CYB561: variants seen among roughly 807,000 people sequenced by gnomAD.
The protein encoded by CYB561 is transmembrane ascorbate-dependent reductase CYB561.
Under a neutral mutation model 25.3 loss-of-function variants are expected in CYB561, and 11 were observed. The ratio of observed to expected loss-of-function variants is 0.44; its 90% CI spans 0.27 to 0.72. The LOEUF is 0.72. Ranked by LOEUF, CYB561 falls within the 30% of genes least tolerant of loss-of-function variation. The pLI, the probability that CYB561 is intolerant of heterozygous loss-of-function variation, is 0.18. For missense variants in CYB561, 295 were observed against 334.9 expected (o/e 0.88, Z 0.93); for synonymous variants, 165 against 158.8 (o/e 1.04, Z -0.29).
In CYB561 at chr17:63,434,469, G is replaced by A. The variant is rs375309411; in HGVS notation, c.689C>T (p.Ala230Val). The change falls in exon 6 of 6, where the codon GCG (alanine) becomes GTG (valine). Residue 230 changes from alanine (A) to valine (V), a missense_variant. Transcript: ENST00000360793. ...TRADWKRPSQ[A>V]EEQALSMDFK... is the part of the protein sequence containing the mutation. ...GTCCATGGAGAGGGCCTGCTCTTCC[G>A]CCTGGGAAGGCCGCTTCCAGTCGGC... is the stretch of plus-strand genomic sequence containing the variant. 2.4e-5 allele frequency: 39 copies of A among 1,608,394 alleles called. No individual in the cohort carries two copies. The highest frequency in any genetic ancestry group is 5.3e-5 in the African/African-American group (4 of 74,798).
chr17:63,439,497 C>T (rs2049353066), intron 1 of CYB561, among the ~76,000 whole-genome samples: 1 of 151,868 alleles, frequency 6.6e-6, no homozygotes, highest in Admixed American at 6.6e-5. Flanking sequence ...CGCACCACTG[C>T]ATTCCAGCCT....
chr17:63,439,685 T>C (rs1646326063), intron 1 of CYB561, among the ~76,000 whole-genome samples: 1 of 152,162 alleles, frequency 6.6e-6, no homozygotes, highest in South Asian at 2.1e-4. Flanking sequence ...CTAAAACACA[T>C]ATGCATCCTT....
At position 63,437,452 on chromosome 17, in the gene CYB561, G is replaced by C; in HGVS notation, c.96C>G (p.Gly32=). 6.2e-7 allele frequency: 1 copy of C among 1,613,926 alleles called. No individual in the cohort carries two copies. Among genetic ancestry groups the C allele is most frequent in the Non-Finnish European group, 8.5e-7 (1 of 1,179,966 alleles). Residue 32 remains glycine, a synonymous_variant, in exon 2 of 6, where the codon GGC becomes GGG. Coordinates refer to ENST00000360793, the MANE Select transcript of CYB561 (RefSeq NM_001915.4). ...CGCCTCGGTACAGCCCGAGCCACGCGCCGGTCATGGCCACCAAGGTCAGGC... is the reference window on the plus strand; with the variant it reads ...CGCCTCGGTACAGCCCGAGCCACGCCCCGGTCATGGCCACCAAGGTCAGGC... ...LLGLTLVAMT[G]AWLGLYRGGI...
At chr17:63,435,475 A>C (rs1329615618) in intron 4 of CYB561, 1 of 684,262 alleles carries the variant, frequency 1.5e-6, no homozygotes, top group African/African-American at 1.8e-5. Context: ...CTTGTGGCCA[A>C]AAGTGCTGAG....
Position 63,436,046 on chromosome 17 carries a change from G to C in CYB561, c.301+8C>G, listed in dbSNP as rs1568022807. On this transcript the variant is annotated splice_region_variant and intron_variant, in intron 3 of 5. Transcript: ENST00000360793. This position sits in a 1 kb window ranked among gnomAD's most constrained non-coding sequence, Gnocchi z 4.8. ...AGGTGGCGGGGAAGGCCGCGCCCGG[G>C]AACTCACCAACCAGGGCGATGACGA... 2.5e-6 allele frequency: 4 copies of C among 1,614,076 alleles called. No individual in the cohort carries two copies. Among genetic ancestry groups the C allele is most frequent in the Non-Finnish European group, 3.4e-6 (4 of 1,179,968 alleles).
rs956341210 is a variant in CYB561 at position 63,432,595 on chromosome 17, A to C, written c.*1807T>G. ...CCACATGTAAACATTTCACTATACA[A>C]GTGTGTGCCAGCTGATTGAAGAACT... On this transcript the variant is annotated 3_prime_UTR_variant, in exon 6 of 6. Transcript: ENST00000360793. The C allele has an allele frequency of 6.6e-6, 1 of 152,290 alleles. No individual in the cohort carries two copies. Among genetic ancestry groups the C allele is most frequent in the Non-Finnish European group, 1.5e-5 (1 of 68,084 alleles). The allele number at this position is 152,290 out of a possible 1,614,324, so 9.4% of individuals were successfully genotyped here.
intron 1 of CYB561, among the ~76,000 whole-genome samples, chr17:63,444,615 C>T (rs1352620111): frequency 6.6e-6 from 1 of 152,152 alleles, no homozygotes; most frequent in African/African-American, 2.4e-5. Flanking sequence ...CATTGCTGTC[C>T]ACCATTAGCC....
chr17:63,436,162 G>A lies in CYB561; in HGVS notation c.203-10C>T, dbSNP rs1279191700. ...CGGTAAACCAGCAGGGCTGTGGGAG[G>A]TGAGAGAGGGAACGTGAGTGCATCC... On this transcript the variant is annotated splice_polypyrimidine_tract_variant and intron_variant, in intron 2 of 5. Coordinates refer to ENST00000360793, the MANE Select transcript of CYB561 (RefSeq NM_001915.4). This position sits in a 1 kb window ranked among gnomAD's most constrained non-coding sequence, Gnocchi z 4.8. 8.7e-6 allele frequency: 14 copies of A among 1,613,260 alleles called. No homozygotes were observed. In the African/African-American group the frequency reaches 9.3e-5, roughly 11 times the overall value.
In CYB561 at chr17:63,435,750, C is replaced by G. The variant is rs761799369; in HGVS notation, c.343G>C (p.Ala115Pro). The G allele has an allele frequency of 3.7e-6, 6 of 1,614,238 alleles. No homozygotes were observed. The highest frequency in any genetic ancestry group is 5.1e-6 in the Non-Finnish European group (6 of 1,180,032). The change falls in exon 4 of 6, where the codon GCT (alanine) becomes CCT (proline). Residue 115 changes from alanine to proline, a missense_variant. Coordinates refer to ENST00000360793, the MANE Select transcript of CYB561 (RefSeq NM_001915.4). ...VFDYHRKKGY[A>P]DLYSLHSWCG... ...CAGCTGTGTAGGCTGTACAGGTCAGCGTAGCCCTTCTTCCTGTGGTAGTCG... is the reference window on the plus strand; with the variant it reads ...CAGCTGTGTAGGCTGTACAGGTCAGGGTAGCCCTTCTTCCTGTGGTAGTCG...
Position 63,433,329 on chromosome 17 carries a change from A to G in CYB561, c.*1073T>C, listed in dbSNP as rs1240031559. 32 of 398,504 alleles carry G rather than the reference A, an allele frequency of 8.0e-5. No homozygotes were observed. In the East Asian group the frequency reaches 1.1e-3, roughly 14 times the overall value. 24.7% of individuals were successfully genotyped at this position (398,504 alleles called of 1,614,324 possible). On this transcript the variant is annotated 3_prime_UTR_variant, in exon 6 of 6. Coordinates refer to ENST00000360793, the MANE Select transcript of CYB561 (RefSeq NM_001915.4). Reference sequence around the variant, plus strand: ...CCAGGCCGAAGCCAAATGGTGACTCAGCTAACATGACACTCTTTATGGGGC... The same window carrying G: ...CCAGGCCGAAGCCAAATGGTGACTCGGCTAACATGACACTCTTTATGGGGC...
chr17:63,438,109 G>C, intron 1 of CYB561: 2 of 1,534,696 alleles, frequency 1.3e-6, no homozygotes, highest in Non-Finnish European at 1.7e-6. Context: ...CTCCCCACGG[G>C]GACAGGCGTG....
intron 1 of CYB561, among the ~76,000 whole-genome samples, chr17:63,444,945 G>A: frequency 6.6e-6 from 1 of 152,190 alleles, no homozygotes; most frequent in South Asian, 2.1e-4. Flanking sequence ...GGATGCCAAG[G>A]CGGGCAGATC....
At chr17:63,437,680 C>G (rs901068430) in intron 1 of CYB561, 120 bp from the exon 2 acceptor site, 1 of 732,386 alleles carries the variant, frequency 1.4e-6, no homozygotes, top group Admixed American at 2.5e-5. Context: ...ACACACCCCT[C>G]AAGATGCGCA....
chr17:63,443,201 G>A (rs1251211358), intron 1 of CYB561, among the ~76,000 whole-genome samples: 1 of 152,166 alleles, frequency 6.6e-6, no homozygotes, highest in East Asian at 1.9e-4. Flanking sequence ...GGAAGAAGGG[G>A]CTTCCCAGGC....
chr17:63,440,928 G>C (rs960609295), intron 1 of CYB561: 1 of 152,238 alleles, frequency 6.6e-6, no homozygotes, highest in African/African-American at 2.4e-5. Context: ...GCTGCAGGCA[G>C]AATCTGATTA....
intron 5 of CYB561, 36 bp from the exon 6 acceptor site, chr17:63,434,630 G>A (rs1258922411): frequency 1.9e-6 from 3 of 1,576,574 alleles, no homozygotes; most frequent in South Asian, 1.1e-5. Flanking sequence ...GCTGCCCAAG[G>A]GGTCACAATT....
At chr17:63,439,148 G>A (rs959250949) in intron 1 of CYB561, 3 of 152,426 alleles carry the variant, frequency 2.0e-5, no homozygotes, top group African/African-American at 4.8e-5. Flanking sequence ...CCAGGAGCTG[G>A]TTTTCAGTCC....
chr17:63,444,311 T>G (rs996977251), intron 1 of CYB561, among the ~76,000 whole-genome samples: 5 of 152,252 alleles, frequency 3.3e-5, no homozygotes, highest in Non-Finnish European at 5.9e-5. Flanking sequence ...AACAGACTCA[T>G]TATTTATAAC....
At position 63,433,709 on chromosome 17, in the gene CYB561, G is replaced by A. The variant is rs796651594; in HGVS notation, c.*693C>T. The A allele has an allele frequency of 1.2e-4, 33 of 284,476 alleles. No individual in the cohort carries two copies. Among genetic ancestry groups the A allele is most frequent in the Middle Eastern group, 9.7e-4 (1 of 1,034 alleles). The allele number at this position is 284,476 out of a possible 1,614,324, so 17.6% of individuals were successfully genotyped here. ...TCTGGAGCAGCCTGGGAGGAGGCCCGCCTGCATCTGCCAAGAGAAAGTCTG... is the reference window on the plus strand; with the variant it reads ...TCTGGAGCAGCCTGGGAGGAGGCCCACCTGCATCTGCCAAGAGAAAGTCTG... On this transcript the variant is annotated 3_prime_UTR_variant, in exon 6 of 6. Transcript: ENST00000360793.
Sources: allele counts gnomAD v4.1 joint callset (sites outside exome capture counted in the v4.1 genomes callset), GRCh38; gene constraint gnomAD v4.1.1; non-coding constraint Gnocchi (gnomAD v3.1); transcripts MANE v1.5; gene names NCBI Gene and HGNC (gene_info 2026-07-23, HGNC 2026-07-21).